Variants in BICD1 observed in about 807,000 individuals in gnomAD.
The protein encoded by BICD1 is BICD cargo adaptor 1, also known as protein bicaudal D homolog 1.
BICD1 carries 35 observed loss-of-function variants against 92.5 expected under a neutral mutation model. The ratio of observed to expected loss-of-function variants is 0.38; its 90% CI spans 0.29 to 0.50. The LOEUF (loss-of-function observed/expected upper bound fraction) is 0.50. Among genes scored for constraint, BICD1 ranks in the 20% least tolerant of loss-of-function variants. BICD1 has a pLI of 0.93. For synonymous variants in BICD1, 429 were observed against 465.1 expected (o/e 0.92, Z 1.00); for missense variants, 950 against 1,189.8 (o/e 0.80, Z 2.97).
intron 2 of BICD1, among the ~76,000 whole-genome samples, chr12:32,233,197 A>C (rs1051904102): frequency 2.0e-5 from 3 of 152,006 alleles, no homozygotes; most frequent in Non-Finnish European, 4.4e-5. Context: ...TGGCGGGCAC[A>C]TGTAACCCCG....
At chr12:32,172,363 T>G (rs1943970016) in intron 1 of BICD1, among the ~76,000 whole-genome samples, 1 of 152,222 alleles carries the variant, frequency 6.6e-6, no homozygotes, top group Non-Finnish European at 1.5e-5. Context: ...GAAATTGATT[T>G]GCAAGCAAGC....
intron 4 of BICD1, among the ~76,000 whole-genome samples, chr12:32,309,412 A>G (rs1948318385): frequency 6.6e-6 from 1 of 152,166 alleles, no homozygotes; most frequent in South Asian, 2.1e-4. Flanking sequence ...GAAAGGTAAT[A>G]TGCAGCATAT....
intron 1 of BICD1, among the ~76,000 whole-genome samples, chr12:32,121,393 G>A (rs938660720): frequency 6.7e-6 from 1 of 149,854 alleles, no homozygotes; most frequent in Non-Finnish European, 1.5e-5. Flanking sequence ...AGGAGTTCAA[G>A]ACCAGCCTGG....
intron 1 of BICD1, among the ~76,000 whole-genome samples, chr12:32,116,510 C>CTCTATATATATATATATA (rs1233964108): frequency 9.6e-6 from 1 of 104,372 alleles, no homozygotes; most frequent in South Asian, 3.3e-4. Context: ...CTCTCTCTCT[C>CTCTATATATATATATATA]TATATATATA....
At chr12:32,115,387 G>GTTTTTTTTTT (rs4035442) in intron 1 of BICD1, among the ~76,000 whole-genome samples, 1 of 142,416 alleles carries the variant, frequency 7.0e-6, no homozygotes, top group African/African-American at 2.6e-5. Context: ...GGTGTTTTTG[G>GTTTTTTTTTT]TTTTTTTTTT....
In BICD1 at chr12:32,337,574, G is replaced by C. The variant is rs1381515124; in HGVS notation, c.2328G>C (p.Leu776=). The change falls in exon 7 of 10, where the codon CTG becomes CTC. Residue 776 remains leucine (L), a synonymous_variant. Coordinates refer to ENST00000652176, the MANE Select transcript of BICD1 (RefSeq NM_001714.4). This position sits in a 1 kb window ranked among gnomAD's most constrained non-coding sequence, Gnocchi z 4.7. ...LAAAEDEKKT[L]NTLLRMAIQQ... ...CTGCAGAGGATGAGAAGAAGACTCT[G>C]AACACTTTGTTACGAATGGCTATCC... 2 of 1,614,208 alleles carry C rather than the reference G, an allele frequency of 1.2e-6. No individual in the cohort carries two copies. The highest frequency in any genetic ancestry group is 1.7e-5 in the Admixed American group (1 of 60,016).
chr12:32,120,867 TAG>T (rs144690164), intron 1 of BICD1, among the ~76,000 whole-genome samples: 164 of 83,416 alleles, frequency 2.0e-3, no homozygotes, highest in African/African-American at 8.5e-3. Flanking sequence ...AATCAACCAT[TAG>T]AGAGAGAGAG....
intron 4 of BICD1, among the ~76,000 whole-genome samples, chr12:32,307,794 C>T (rs552906899): frequency 6.6e-6 from 1 of 152,274 alleles, no homozygotes; most frequent in East Asian, 1.9e-4. Context: ...AAACATATTT[C>T]CTTGTGAAAA....
intron 2 of BICD1, among the ~76,000 whole-genome samples, chr12:32,268,686 C>G (rs943679947): frequency 6.6e-6 from 1 of 152,082 alleles, no homozygotes; most frequent in Non-Finnish European, 1.5e-5. Context: ...ATCCCAGCTA[C>G]TTGGGAGGCT....
At chr12:32,305,651 A>T in intron 3 of BICD1, 46 bp from the exon 4 acceptor site, 2 of 1,527,770 alleles carry the variant, frequency 1.3e-6, no homozygotes, top group Non-Finnish European at 1.8e-6. Context: ...GTTTTGTAAG[A>T]TCCACATTTT....
At chr12:32,113,291 TCTC>T (rs774521233) in intron 1 of BICD1, among the ~76,000 whole-genome samples, 4 of 152,122 alleles carry the variant, frequency 2.6e-5, no homozygotes, top group Non-Finnish European at 5.9e-5. Context: ...CTGAGAATCT[TCTC>T]AGGCTGGATA....
At chr12:32,338,359 T>C (rs1938218837) in intron 7 of BICD1, 1 of 177,574 alleles carries the variant, frequency 5.6e-6, no homozygotes, top group Admixed American at 6.3e-5. Flanking sequence ...CGCACAGTCC[T>C]TTTCTTGAAA....
intron 8 of BICD1, among the ~76,000 whole-genome samples, chr12:32,364,150 A>G (rs1421207952): frequency 1.3e-5 from 2 of 152,182 alleles, no homozygotes; most frequent in African/African-American, 4.8e-5. Flanking sequence ...ACAGTTTCTG[A>G]CACAAAATAG....
rs1015438570 is a variant in BICD1, at chr12:32,379,560, A to G, written c.*1933A>G. 6.6e-6 allele frequency: 1 copy of G among 152,148 alleles called. No individual in the cohort carries two copies. The highest frequency in any genetic ancestry group is 1.5e-5 in the Non-Finnish European group (1 of 68,016). The allele number at this position is 152,148 out of a possible 1,614,324, so 9.4% of individuals were successfully genotyped here. On this transcript the variant is annotated 3_prime_UTR_variant, in exon 10 of 10. Coordinates refer to ENST00000652176, the MANE Select transcript of BICD1 (RefSeq NM_001714.4). ...CTTGCTGTTCCTAAACATTGTCTTC[A>G]TTTCACTGGCGTTGTATCTGCCTAG...
chr12:32,137,150 G>A (rs141458982), intron 1 of BICD1, among the ~76,000 whole-genome samples: 2 of 152,250 alleles, frequency 1.3e-5, no homozygotes, highest in East Asian at 1.9e-4. Flanking sequence ...TTGCAGTGGT[G>A]TGATTTCAGC....
At chr12:32,208,808 G>A (rs1476824625) in intron 1 of BICD1, among the ~76,000 whole-genome samples, 1 of 151,922 alleles carries the variant, frequency 6.6e-6, no homozygotes, top group Non-Finnish European at 1.5e-5. Flanking sequence ...TTTGGGCTCA[G>A]TGTTTTCTTT....
intron 2 of BICD1, among the ~76,000 whole-genome samples, chr12:32,234,551 G>A (rs1485278248): frequency 2.1e-5 from 3 of 145,532 alleles, no homozygotes; most frequent in African/African-American, 5.3e-5. Flanking sequence ...AGCCAAGATC[G>A]CACCACTGCG....
intron 2 of BICD1, among the ~76,000 whole-genome samples, chr12:32,254,439 G>T (rs547100744): frequency 1.2e-4 from 18 of 152,360 alleles, no homozygotes; most frequent in Admixed American, 1.1e-3. Context: ...ATTTGTAGGT[G>T]CTCAGTGAAT....
chr12:32,131,685 C>T (rs977605311), intron 1 of BICD1, among the ~76,000 whole-genome samples: 1 of 152,160 alleles, frequency 6.6e-6, no homozygotes, highest in African/African-American at 2.4e-5. Flanking sequence ...CGAGACACTG[C>T]ACTCCCAAAT....
Sources: allele counts gnomAD v4.1 joint callset (sites outside exome capture counted in the v4.1 genomes callset), GRCh38; gene constraint gnomAD v4.1.1; non-coding constraint Gnocchi (gnomAD v3.1); transcripts MANE v1.5; gene names NCBI Gene and HGNC (gene_info 2026-07-23, HGNC 2026-07-21).